Variants in KCNN2 observed in about 807,000 individuals in gnomAD.
KCNN2 encodes small conductance calcium-activated potassium channel protein 2.
KCNN2 carries 24 observed loss-of-function variants against 55.5 expected under a neutral mutation model. That is an observed-to-expected ratio of 0.43 (90% CI 0.31 to 0.61). The LOEUF is 0.61. KCNN2 is among the 20% of genes least tolerant of loss of function. The pLI, the probability that KCNN2 is intolerant of heterozygous loss-of-function variation, is 0.08. For missense variants in KCNN2, 754 were observed against 853.6 expected, an observed-to-expected ratio of 0.88 and a Z score of 1.45; for synonymous variants, 431 against 336.1, an observed-to-expected ratio of 1.28 and a Z score of -3.09.
At chr5:114,246,756 ATTATTC>A (rs1461897894) in intron 2 of KCNN2, among the ~76,000 whole-genome samples, 1 of 152,098 alleles carries the variant, frequency 6.6e-6, no homozygotes, top group Non-Finnish European at 1.5e-5. Flanking sequence ...ATAAGACAAT[ATTATTC>A]TTATTCAATT....
chr5:114,292,197 T>G (rs1219623335), intron 2 of KCNN2, among the ~76,000 whole-genome samples: 9 of 152,250 alleles, frequency 5.9e-5, no homozygotes, highest in African/African-American at 2.2e-4. Flanking sequence ...TTAGTTTAAT[T>G]AGATCCCATT....
At chr5:114,353,405 G>T (rs1757247583) in intron 2 of KCNN2, among the ~76,000 whole-genome samples, 1 of 151,744 alleles carries the variant, frequency 6.6e-6, no homozygotes, top group Non-Finnish European at 1.5e-5. Context: ...ATTGTCAAAT[G>T]TGTTAAATTT....
chr5:114,168,067 C>T lies in KCNN2; in HGVS notation c.-270-53413C>T, dbSNP rs186642389. Among the ~76,000 whole-genome samples the T allele has an allele frequency of 3.3e-5, 5 of 151,910 alleles. No individual in the cohort carries two copies. In the East Asian group the frequency reaches 9.7e-4, roughly 29 times the overall value. ...ATAGCTAGTTTCTGATTTATATTCACTTGTTGATGGGCTTTTGTGTTGTTT... is the reference window on the plus strand; with the variant it reads ...ATAGCTAGTTTCTGATTTATATTCATTTGTTGATGGGCTTTTGTGTTGTTT... On this transcript the variant is annotated intron_variant, in intron 1 of 10. Coordinates refer to the KCNN2 transcript ENST00000512097.
At chr5:114,356,940 T>C (rs1267834281) in intron 2 of KCNN2, among the ~76,000 whole-genome samples, 3 of 152,118 alleles carry the variant, frequency 2.0e-5, no homozygotes, top group East Asian at 1.9e-4. Context: ...CTGGCATTTA[T>C]TGCTAAGGAC....
intron 3 of KCNN2, among the ~76,000 whole-genome samples, chr5:114,422,420 G>A (rs1345979717): frequency 6.6e-6 from 1 of 152,070 alleles, no homozygotes; most frequent in East Asian, 1.9e-4. Flanking sequence ...ACCATGAAAT[G>A]GGCCCTCACC....
At chr5:114,422,412 C>A (rs1383203528) in intron 3 of KCNN2, among the ~76,000 whole-genome samples, 1 of 152,118 alleles carries the variant, frequency 6.6e-6, no homozygotes, top group Non-Finnish European at 1.5e-5. Context: ...GTCTGTGAAC[C>A]ATGAAATGGG....
intron 3 of KCNN2, among the ~76,000 whole-genome samples, chr5:114,427,415 G>A (rs1580821525): frequency 6.6e-6 from 1 of 152,222 alleles, no homozygotes; most frequent in Admixed American, 6.5e-5. Context: ...CAATCCCATA[G>A]GTGGAGCTAA....
At chr5:114,335,087 C>A (rs949061548) in intron 2 of KCNN2, among the ~76,000 whole-genome samples, 2 of 152,140 alleles carry the variant, frequency 1.3e-5, no homozygotes, top group African/African-American at 4.8e-5. Flanking sequence ...CCACGCCCGG[C>A]TAATTTTTTG....
chr5:114,158,665 C>A (rs1752694405), intron 1 of KCNN2, among the ~76,000 whole-genome samples: 1 of 150,934 alleles, frequency 6.6e-6, no homozygotes, highest in South Asian at 2.1e-4. Flanking sequence ...TGTTTGTATC[C>A]TCTTTTATTT....
intron 1 of KCNN2, among the ~76,000 whole-genome samples, chr5:114,180,035 G>A (rs1425276180): frequency 1.3e-5 from 2 of 152,144 alleles, no homozygotes; most frequent in Non-Finnish European, 2.9e-5. Flanking sequence ...TAGGTCAAGG[G>A]ATATTGGCCA....
chr5:114,195,067 G>A (rs1190870152), intron 1 of KCNN2, among the ~76,000 whole-genome samples: 3 of 151,926 alleles, frequency 2.0e-5, no homozygotes, highest in East Asian at 1.9e-4. Flanking sequence ...CCTTGTGCCA[G>A]TGCCACACTG....
chr5:114,241,666 T>C (rs967362429), intron 2 of KCNN2, among the ~76,000 whole-genome samples: 3 of 145,940 alleles, frequency 2.1e-5, no homozygotes, highest in Non-Finnish European at 3.0e-5. Context: ...GTGTAAAAAA[T>C]AAAAATGTTA....
intron 2 of KCNN2, among the ~76,000 whole-genome samples, chr5:114,328,181 G>C (rs878891835): frequency 6.6e-6 from 1 of 152,160 alleles, no homozygotes; most frequent in African/African-American, 2.4e-5. Flanking sequence ...GGTATAACCA[G>C]AGTCCTAATT....
At chr5:114,295,662 A>G (rs1399021517) in intron 2 of KCNN2, among the ~76,000 whole-genome samples, 1 of 152,092 alleles carries the variant, frequency 6.6e-6, no homozygotes. Flanking sequence ...CAAGTGAGGC[A>G]ATGCCTCACC....
intron 1 of KCNN2, among the ~76,000 whole-genome samples, chr5:114,167,015 A>G (rs1240938217): frequency 6.6e-6 from 1 of 152,210 alleles, no homozygotes; most frequent in African/African-American, 2.4e-5. Flanking sequence ...AATTGTAAGA[A>G]ATAAATTTCT....
At chr5:114,425,602 G>A (rs1282242505) in intron 3 of KCNN2, among the ~76,000 whole-genome samples, 5 of 152,102 alleles carry the variant, frequency 3.3e-5, no homozygotes, top group Non-Finnish European at 5.9e-5. Flanking sequence ...CCCAACCTCA[G>A]ATCAGAGCTG....
chr5:114,099,851 CA>C (rs1265359152), intron 1 of KCNN2, among the ~76,000 whole-genome samples: 1 of 151,726 alleles, frequency 6.6e-6, no homozygotes. Flanking sequence ...GGTCCTCACA[CA>C]AAAAGGTGTC....
upstream of KCNN2, among the ~76,000 whole-genome samples, chr5:114,357,391 T>TG (rs1370138858): frequency 7.1e-6 from 1 of 141,748 alleles, no homozygotes; most frequent in Non-Finnish European, 1.5e-5. Flanking sequence ...GCTGGTGCGC[T>TG]GCACCCACTA....
chr5:114,284,610 G>A (rs1411010228), intron 2 of KCNN2, among the ~76,000 whole-genome samples: 5 of 151,998 alleles, frequency 3.3e-5, no homozygotes, highest in Admixed American at 6.6e-5. Context: ...CTTTGACTCC[G>A]TGGTTCAAGT....
Sources: allele counts gnomAD v4.1 joint callset (sites outside exome capture counted in the v4.1 genomes callset), GRCh38; gene constraint gnomAD v4.1.1; transcripts MANE v1.5; gene names NCBI Gene and HGNC (gene_info 2026-07-23, HGNC 2026-07-21).